The following ARHGEF33 variants were observed in gnomAD, a reference collection of about 807,000 sequenced individuals.
The protein encoded by ARHGEF33 is Rho guanine nucleotide exchange factor 33, also known as DH and coiled-coil domain-containing protein ENSP00000381780.
In ARHGEF33, 72 loss-of-function variants were observed where a neutral mutation model predicts 101.9. The ratio of observed to expected loss-of-function variants is 0.71; its 90% CI spans 0.58 to 0.86. The LOEUF (loss-of-function observed/expected upper bound fraction) is 0.86, where lower values mean the gene tolerates loss of function less well. Ranked by LOEUF, ARHGEF33 falls within the 40% of genes least tolerant of loss-of-function variation. The pLI is 0.00. For missense variants in ARHGEF33, 1,169 were observed against 1,111.3 expected (o/e 1.05, Z -0.74); for synonymous variants, 499 against 442.5 (o/e 1.13, Z -1.60).
chr2:38,926,682 G>T (rs1558430469), intron 4 of ARHGEF33, among the ~76,000 whole-genome samples: 1 of 152,164 alleles, frequency 6.6e-6, no homozygotes, highest in Non-Finnish European at 1.5e-5. Context: ...AATTTTTTGA[G>T]AGCTGGGGTT....
chr2:38,912,024 T>C (rs1666519634), intron 2 of ARHGEF33, among the ~76,000 whole-genome samples: 1 of 152,120 alleles, frequency 6.6e-6, no homozygotes, highest in Non-Finnish European at 1.5e-5. Context: ...CAAGACAGAC[T>C]CAAGAAAGCC....
At chr2:38,926,174 A>G (rs1488441173) in intron 4 of ARHGEF33, among the ~76,000 whole-genome samples, 1 of 152,206 alleles carries the variant, frequency 6.6e-6, no homozygotes, top group Non-Finnish European at 1.5e-5. Flanking sequence ...GCCCGCCTCC[A>G]GCGGCAGGAT....
intron 13 of ARHGEF33, among the ~76,000 whole-genome samples, chr2:38,955,067 A>G (rs899005858): frequency 1.3e-5 from 2 of 152,156 alleles, no homozygotes; most frequent in Non-Finnish European, 2.9e-5. Context: ...TAAGCACCTC[A>G]TCCAGTTCTT....
rs190843432 is a variant in ARHGEF33, at chr2:38,933,453, G to A, written c.505+2202G>A. Among the ~76,000 whole-genome samples, 403 of 151,722 alleles carry A rather than the reference G, an allele frequency of 2.7e-3. 1 individual carries two copies. Among genetic ancestry groups the A allele is most frequent in the Middle Eastern group, 0.024 (7 of 294 alleles). On this transcript the variant is annotated intron_variant, in intron 7 of 17. Transcript: ENST00000409978. ...GGCTGGAGTACAATGGCGCGATCTC[G>A]GCTCACTGCAACCTCCACCTCCTGG...
At chr2:38,916,961 C>T (rs954746621) in intron 2 of ARHGEF33, among the ~76,000 whole-genome samples, 44 of 149,706 alleles carry the variant, frequency 2.9e-4, no homozygotes, top group South Asian at 2.1e-4. Flanking sequence ...CCACCACGCC[C>T]GATTAATTTT....
chr2:38,890,351 G>A (rs769267247), intron 1 of ARHGEF33, among the ~76,000 whole-genome samples: 1 of 152,072 alleles, frequency 6.6e-6, no homozygotes, highest in Non-Finnish European at 1.5e-5. Flanking sequence ...TGCCTCTTTG[G>A]GATTAAGAAT....
intron 2 of ARHGEF33, among the ~76,000 whole-genome samples, chr2:38,914,626 C>T (rs1295106324): frequency 6.7e-6 from 1 of 149,452 alleles, no homozygotes; most frequent in African/African-American, 2.5e-5. Context: ...TGGATCTCAC[C>T]ACTGTACTCC....
chr2:38,925,510 G>T (rs1666851296), intron 4 of ARHGEF33, among the ~76,000 whole-genome samples: 1 of 152,156 alleles, frequency 6.6e-6, no homozygotes, highest in South Asian at 2.1e-4. Context: ...TCTCAGTAAG[G>T]CCCTGCAAGA....
At chr2:38,924,350 C>T (rs966422692) in intron 4 of ARHGEF33, among the ~76,000 whole-genome samples, 22 of 152,090 alleles carry the variant, frequency 1.4e-4, no homozygotes, top group African/African-American at 4.8e-4. Flanking sequence ...CTGCACATAC[C>T]CCTCTCAAAG....
intron 9 of ARHGEF33, among the ~76,000 whole-genome samples, chr2:38,942,447 A>T (rs1667337657): frequency 6.9e-6 from 1 of 145,352 alleles, no homozygotes. Flanking sequence ...GGCGTGAGCC[A>T]CCACGCCCAG....
intron 2 of ARHGEF33, among the ~76,000 whole-genome samples, chr2:38,906,946 T>C (rs1558424258): frequency 6.6e-6 from 1 of 152,072 alleles, no homozygotes; most frequent in Admixed American, 6.6e-5. Flanking sequence ...TGAGACCCCC[T>C]GTCTCAAAAA....
rs1468067826 is a variant in ARHGEF33, at chr2:38,973,932, C to A, written c.*89C>A. ...TAGGAATATATATATATATCTATAT[C>A]TATATATATATATATATCGATGTAT... On this transcript the variant is annotated 3_prime_UTR_variant, in exon 18 of 18. Transcript: ENST00000409978. 101 of 635,776 alleles carry A rather than the reference C, an allele frequency of 1.6e-4. No homozygotes were observed. The highest frequency in any genetic ancestry group is 4.0e-4 in the East Asian group (6 of 15,022). 39.4% of individuals were successfully genotyped at this position (635,776 alleles called of 1,614,324 possible).
intron 2 of ARHGEF33, among the ~76,000 whole-genome samples, chr2:38,911,939 C>T (rs1262084831): frequency 6.6e-6 from 1 of 152,174 alleles, no homozygotes; most frequent in Non-Finnish European, 1.5e-5. Flanking sequence ...CAGACAAGAA[C>T]AGAGAGGCTC....
intron 3 of ARHGEF33, among the ~76,000 whole-genome samples, chr2:38,920,761 C>G (rs930557227): frequency 6.6e-6 from 1 of 152,096 alleles, no homozygotes; most frequent in African/African-American, 2.4e-5. Flanking sequence ...CTGTGTTTCT[C>G]GAAGTCTAGT....
intron 2 of ARHGEF33, among the ~76,000 whole-genome samples, chr2:38,907,484 T>C (rs1320152169): frequency 3.9e-5 from 6 of 152,208 alleles, no homozygotes; most frequent in Admixed American, 3.9e-4. Flanking sequence ...CCCTCTCACC[T>C]AAATTAAGCT....
At chr2:38,911,408 A>C (rs180954608) in intron 2 of ARHGEF33, among the ~76,000 whole-genome samples, 287 of 152,328 alleles carry the variant, frequency 1.9e-3, no homozygotes, top group Non-Finnish European at 3.2e-3. Flanking sequence ...AATTAATTTC[A>C]ATTCCCCAAA....
chr2:38,971,039 C>T (rs542830440), intron 17 of ARHGEF33, among the ~76,000 whole-genome samples: 1 of 152,256 alleles, frequency 6.6e-6, no homozygotes, highest in South Asian at 2.1e-4. Flanking sequence ...GACTGACTGG[C>T]CAACAGGATG....
chr2:38,929,942 C>A, intron 6 of ARHGEF33, 112 bp downstream of exon 6: 2 of 903,444 alleles, frequency 2.2e-6, no homozygotes, highest in Non-Finnish European at 3.3e-6. Flanking sequence ...CCACTGTGCT[C>A]CACAGCTTGG....
intron 11 of ARHGEF33, 121 bp from the exon 12 acceptor site, chr2:38,953,041 A>T: frequency 1.6e-6 from 1 of 621,670 alleles, no homozygotes; most frequent in Non-Finnish European, 2.9e-6. Flanking sequence ...AAAATGAAGA[A>T]CATATTAAAT....
Sources: gnomAD v4.1 joint callset for allele counts (sites outside exome capture counted in the v4.1 genomes callset) on GRCh38, gnomAD v4.1.1 for gene constraint, MANE v1.5 for transcripts, NCBI Gene and HGNC (gene_info 2026-07-23, HGNC 2026-07-21) for gene names.